The following DMD variants were observed in gnomAD, a reference collection of about 807,000 sequenced individuals.
DMD encodes the protein mutant dystrophin.
In DMD, 63 loss-of-function variants were observed where a neutral mutation model predicts 330.1. The observed-to-expected ratio is 0.19, with a 90% CI of 0.16 to 0.24. The LOEUF (loss-of-function observed/expected upper bound fraction) is 0.24, where lower values mean the gene tolerates loss of function less well. Ranked by LOEUF, DMD falls within the 10% of genes least tolerant of loss-of-function variation. The probability of loss-of-function intolerance (pLI) is 1.00; values close to 1 mark genes in which losing one functional copy is unlikely to be tolerated. For missense variants in DMD, 3,344 were observed against 2,684.1 expected, an observed-to-expected ratio of 1.25 and a Z score of -5.43; for synonymous variants, 1,223 against 959.8, an observed-to-expected ratio of 1.27 and a Z score of -5.07.
intron 47 of DMD, among the ~76,000 whole-genome samples, chrX:31,879,554 CTT>C (rs1185237524): frequency 8.9e-6 from 1 of 112,106 alleles, no homozygotes; most frequent in African/African-American, 3.2e-5. Flanking sequence ...AGAAATTACA[CTT>C]TGCATATTTT....
At chrX:31,828,878 C>A (rs183737941) in intron 49 of DMD, among the ~76,000 whole-genome samples, 1 of 110,995 alleles carries the variant, frequency 9.0e-6, no homozygotes, top group African/African-American at 3.3e-5. Context: ...TCTATGAAGT[C>A]AGTATCACCC....
At chrX:32,388,618 C>T (rs2097977628) in intron 32 of DMD, among the ~76,000 whole-genome samples, 1 of 110,133 alleles carries the variant, frequency 9.1e-6, no homozygotes. Context: ...GATATGACTA[C>T]GATGTATCTG....
chrX:32,967,799 C>T, intron 2 of DMD, among the ~76,000 whole-genome samples: 1 of 111,663 alleles, frequency 9.0e-6, no homozygotes, highest in Middle Eastern at 4.6e-3. Context: ...CTCGGTTGAA[C>T]AGGAAGCATG....
chrX:32,775,203 A>G (rs1342028497), intron 7 of DMD, among the ~76,000 whole-genome samples: 3 of 112,709 alleles, frequency 2.7e-5, no homozygotes, highest in Non-Finnish European at 5.6e-5. Context: ...TGCAGAGCAC[A>G]GCCCCCATGG....
intron 12 of DMD, among the ~76,000 whole-genome samples, chrX:32,603,982 C>A (rs1277098892): frequency 9.0e-6 from 1 of 111,125 alleles, no homozygotes; most frequent in Non-Finnish European, 1.9e-5. Context: ...AGAGGAAATT[C>A]TCCCTAATTA....
At chrX:32,325,722 T>C (rs747143726) in intron 41 of DMD, among the ~76,000 whole-genome samples, 5 of 111,272 alleles carry the variant, frequency 4.5e-5, no homozygotes, top group East Asian at 2.8e-4. Context: ...GATGAGGAAA[T>C]TTAACAGCCA....
intron 47 of DMD, among the ~76,000 whole-genome samples, chrX:31,897,077 C>G (rs2094347824): frequency 9.1e-6 from 1 of 109,862 alleles, no homozygotes; most frequent in African/African-American, 3.3e-5. Flanking sequence ...CCCCCCTTCC[C>G]CCACCCCACA....
At chrX:32,766,707 G>A (rs1408063664) in intron 7 of DMD, among the ~76,000 whole-genome samples, 1 of 111,005 alleles carries the variant, frequency 9.0e-6, no homozygotes, top group African/African-American at 3.3e-5. Context: ...GAAATGCATT[G>A]CACAGCATGA....
At chrX:31,275,550 G>A (rs1189759006) in intron 62 of DMD, among the ~76,000 whole-genome samples, 1 of 111,341 alleles carries the variant, frequency 9.0e-6, no homozygotes, top group Non-Finnish European at 1.9e-5. Flanking sequence ...CTTTGCATAT[G>A]ATGGATAGAG....
chrX:32,336,822 A>C (rs2097717886), intron 41 of DMD, among the ~76,000 whole-genome samples: 1 of 112,096 alleles, frequency 8.9e-6, no homozygotes, highest in Non-Finnish European at 1.9e-5. Flanking sequence ...CTGATATGGA[A>C]ATGAAATTGG....
At chrX:32,934,076 G>C (rs2089808497) in intron 2 of DMD, among the ~76,000 whole-genome samples, 1 of 111,697 alleles carries the variant, frequency 9.0e-6, no homozygotes, top group Non-Finnish European at 1.9e-5. Context: ...TAATCCCTAA[G>C]AGTTAAGGAC....
intron 1 of DMD, among the ~76,000 whole-genome samples, chrX:33,153,910 C>G (rs2048385578): frequency 8.9e-6 from 1 of 112,187 alleles, no homozygotes; most frequent in African/African-American, 3.2e-5. Context: ...TACAATATGT[C>G]TAATTGATAT....
intron 51 of DMD, among the ~76,000 whole-genome samples, chrX:31,771,539 GTCAC>G (rs1318765273): frequency 2.6e-4 from 28 of 106,898 alleles, no homozygotes; most frequent in African/African-American, 9.3e-4. Flanking sequence ...GTCTCACTCT[GTCAC>G]TCAGTCTGGA....
chrX:31,890,187 C>T (rs1048544822), intron 47 of DMD, among the ~76,000 whole-genome samples: 21 of 109,050 alleles, frequency 1.9e-4, no homozygotes, highest in African/African-American at 5.7e-4. Context: ...CACATAATCA[C>T]GTATCCTCAA....
chrX:31,289,658 G>GA (rs745888443), intron 62 of DMD, among the ~76,000 whole-genome samples: 30 of 109,424 alleles, frequency 2.7e-4, no homozygotes, highest in Admixed American at 1.7e-3. Context: ...GATACTGGGG[G>GA]AAAAAAAATC....
chrX:31,348,803 A>G (rs1341224624), intron 60 of DMD, among the ~76,000 whole-genome samples, 169 bp from the exon 61 acceptor site: 1 of 111,821 alleles, frequency 8.9e-6, no homozygotes, highest in East Asian at 2.8e-4. Context: ...AGTATTCCAG[A>G]CTCGTTTTTA....
intron 2 of DMD, among the ~76,000 whole-genome samples, chrX:32,997,233 T>G (rs890983351): frequency 1.8e-5 from 2 of 108,892 alleles, no homozygotes; most frequent in Admixed American, 1.0e-4. Context: ...CTGGGGTACA[T>G]GAGAGCCTCC....
intron 59 of DMD, among the ~76,000 whole-genome samples, chrX:31,476,981 A>C (rs987070551): frequency 1.8e-5 from 2 of 111,542 alleles, no homozygotes; most frequent in East Asian, 2.8e-4. Flanking sequence ...TTGTTGGATG[A>C]TGATTCATTA....
chrX:31,608,470 A>T (rs866399019), intron 55 of DMD, among the ~76,000 whole-genome samples: 11 of 112,129 alleles, frequency 9.8e-5, no homozygotes, highest in Admixed American at 1.9e-4. Context: ...ACCATTAAAA[A>T]ATAAAACATA....
Sources: gnomAD v4.1 joint callset for allele counts (sites outside exome capture counted in the v4.1 genomes callset) on GRCh38, gnomAD v4.1.1 for gene constraint, MANE v1.5 for transcripts, NCBI Gene and HGNC (gene_info 2026-07-23, HGNC 2026-07-21) for gene names.